The following COX6B1 variants were observed in gnomAD, a reference collection of about 807,000 sequenced individuals.
COX6B1 encodes the protein cytochrome c oxidase subunit 6B1, also known as COX VIb-1.
COX6B1 carries 2 observed loss-of-function variants against 14.0 expected under a neutral mutation model. The ratio of observed to expected loss-of-function variants is 0.14; its 90% CI spans 0.06 to 0.45. The LOEUF is 0.45. COX6B1 is among the 20% of genes least tolerant of loss of function. COX6B1 has a pLI of 0.98. For missense variants in COX6B1, 81 were observed against 114.2 expected, an observed-to-expected ratio of 0.71 and a Z score of 1.33; for synonymous variants, 30 against 39.7, an observed-to-expected ratio of 0.76 and a Z score of 0.92.
chr19:35,654,580 G>A lies in COX6B1; in HGVS notation c.116G>A (p.Arg39His), dbSNP rs745734530. 19 of 1,613,588 alleles carry A rather than the reference G, an allele frequency of 1.2e-5. No individual in the cohort carries two copies. The highest frequency in any genetic ancestry group is 2.2e-5 in the East Asian group (1 of 44,880). The change falls in exon 3 of 4, where the codon CGC (arginine) becomes CAC (histidine). Residue 39 changes from arginine (R) to histidine (H), a missense_variant. Coordinates refer to ENST00000649813, the MANE Select transcript of COX6B1 (RefSeq NM_001863.5). ...NCWQNYLDFH[R>H]CQKAMTAKGG... ...ACCCCTTTCTTCACAGACTTCCACC[G>A]CTGTCAGAAGGCAATGACCGCTAAA...
chr19:35,651,106 T>G (rs1967819564), intron 1 of COX6B1, 127 bp from the exon 2 acceptor site: 1 of 708,868 alleles, frequency 1.4e-6, no homozygotes, highest in Non-Finnish European at 2.6e-6. Context: ...CTGTGTATGT[T>G]GAGAGGCAGG....
intron 2 of COX6B1, among the ~76,000 whole-genome samples, chr19:35,652,455 GT>G (rs1486279104): frequency 4.6e-5 from 7 of 151,686 alleles, no homozygotes; most frequent in Admixed American, 4.6e-4. Context: ...TTGAGACTGA[GT>G]TTTTTGTTTT....
intron 1 of COX6B1, chr19:35,648,773 G>A (rs1307752541): frequency 5.8e-6 from 3 of 516,448 alleles, no homozygotes; most frequent in Non-Finnish European, 1.2e-5. Context: ...ATTCACAGGC[G>A]TGGCCTCTCG....
intron 2 of COX6B1, among the ~76,000 whole-genome samples, chr19:35,652,024 C>T (rs1355102133): frequency 6.6e-6 from 1 of 150,582 alleles, no homozygotes; most frequent in Non-Finnish European, 1.5e-5. Flanking sequence ...CTCTCATCTC[C>T]CTGCCTTCTT....
chr19:35,653,371 T>G (rs1599621994), intron 2 of COX6B1, among the ~76,000 whole-genome samples: 1 of 146,216 alleles, frequency 6.8e-6, no homozygotes, highest in Admixed American at 6.8e-5. Flanking sequence ...CTCCCGGGTT[T>G]AAGCAATTCT....
At chr19:35,652,744 C>T (rs1967840950) in intron 2 of COX6B1, among the ~76,000 whole-genome samples, 1 of 151,910 alleles carries the variant, frequency 6.6e-6, no homozygotes, top group African/African-American at 2.4e-5. Context: ...CTGTGCCCGG[C>T]CTCACATCTT....
At chr19:35,654,713 G>C (rs776848261) in intron 3 of COX6B1, 42 bp downstream of exon 3, 15 of 1,579,800 alleles carry the variant, frequency 9.5e-6, no homozygotes, top group Non-Finnish European at 1.3e-5. Context: ...CTGGGGTGGG[G>C]TCTTAGCAGA....
intron 3 of COX6B1, among the ~76,000 whole-genome samples, chr19:35,656,678 A>G (rs1287017245): frequency 6.6e-6 from 1 of 151,726 alleles, no homozygotes; most frequent in Admixed American, 6.6e-5. Context: ...ACAGAGTTTC[A>G]CCATGTTGGC....
intron 3 of COX6B1, among the ~76,000 whole-genome samples, chr19:35,656,372 G>A (rs1967889236): frequency 6.6e-6 from 1 of 152,028 alleles, no homozygotes; most frequent in Non-Finnish European, 1.5e-5. Context: ...AATCTATATA[G>A]TAGGAGTCAA....
chr19:35,649,315 C>T (rs1967798315), intron 1 of COX6B1, among the ~76,000 whole-genome samples: 1 of 151,576 alleles, frequency 6.6e-6, no homozygotes, highest in Admixed American at 6.6e-5. Context: ...ATAGACATTC[C>T]TTTTTTTTGT....
chr19:35,649,789 A>AT (rs1234650454), intron 1 of COX6B1, among the ~76,000 whole-genome samples: 5 of 150,166 alleles, frequency 3.3e-5, no homozygotes, highest in East Asian at 4.0e-4. Context: ...CAATTTTAAT[A>AT]TTTTTTTTGT....
intron 2 of COX6B1, among the ~76,000 whole-genome samples, chr19:35,654,207 G>A (rs377370671): frequency 1.3e-5 from 2 of 152,192 alleles, no homozygotes; most frequent in African/African-American, 4.8e-5. Context: ...TCTTACAAAT[G>A]GTGTGGCTGT....
At chr19:35,653,659 C>T (rs1252625590) in intron 2 of COX6B1, among the ~76,000 whole-genome samples, 1 of 150,968 alleles carries the variant, frequency 6.6e-6, no homozygotes, top group Non-Finnish European at 1.5e-5. Context: ...CGGCTCCCTG[C>T]AAGCTCCGCC....
rs1967816519 is a variant in COX6B1, at chr19:35,650,865, C to T, written c.-11-368C>T. ...TATGCCGTTTAACCGTAGGAAGTCA[C>T]TTAGACACCCTGTTCCTTCCTCGTC... On this transcript the variant is annotated intron_variant, in intron 1 of 3. Transcript: ENST00000649813. 8.5e-5 allele frequency among the ~76,000 whole-genome samples: 13 copies of T among 152,246 alleles called. No homozygotes were observed. In the South Asian group the frequency reaches 2.7e-3, roughly 32 times the overall value.
chr19:35,652,795 ATATGT>A (rs1398343862), intron 2 of COX6B1, among the ~76,000 whole-genome samples: 2 of 151,130 alleles, frequency 1.3e-5, no homozygotes, highest in African/African-American at 4.9e-5. Flanking sequence ...TTTATTTTAT[ATATGT>A]TATGTTGTTA....
Position 35,653,153 on chromosome 19 carries a change from T to A in COX6B1, c.107-1418T>A, listed in dbSNP as rs190038111. ...TGGCTAATTTTTTTTTTTTGTATTT[T>A]TAGTAGAGACAGGGTTTTACCATCT... On this transcript the variant is annotated intron_variant, in intron 2 of 3. Transcript: ENST00000649813. Among the ~76,000 whole-genome samples, 130 of 150,706 alleles carry A rather than the reference T, an allele frequency of 8.6e-4. 3 individuals carry two copies. The East Asian group carries it at 0.021, about 24-fold the overall frequency.
chr19:35,653,732 C>G (rs528810228), intron 2 of COX6B1, among the ~76,000 whole-genome samples: 1 of 152,046 alleles, frequency 6.6e-6, no homozygotes, highest in South Asian at 2.1e-4. Context: ...AGGTGCCCGC[C>G]ACCGCGCCCA....
At chr19:35,649,010 C>A in intron 1 of COX6B1, 1 of 495,900 alleles carries the variant, frequency 2.0e-6, no homozygotes. Context: ...CCACCACCAC[C>A]TTGCGTCGCT....
At chr19:35,656,120 G>A (rs368826373) in intron 3 of COX6B1, among the ~76,000 whole-genome samples, 90 of 152,144 alleles carry the variant, frequency 5.9e-4, no homozygotes, top group African/African-American at 2.0e-3. Flanking sequence ...ATGAGCTACC[G>A]CACCCAGCTG....
Sources: allele counts gnomAD v4.1 joint callset (sites outside exome capture counted in the v4.1 genomes callset), GRCh38; gene constraint gnomAD v4.1.1; transcripts MANE v1.5; gene names NCBI Gene and HGNC (gene_info 2026-07-23, HGNC 2026-07-21).